The following PSMB7 variants were observed in gnomAD, a reference collection of about 807,000 sequenced individuals.
PSMB7 encodes the protein proteasome subunit beta type-7.
A neutral mutation model predicts 28.1 loss-of-function variants in PSMB7; 5 were observed. That is an observed-to-expected ratio of 0.18 (90% CI 0.09 to 0.37). The LOEUF (loss-of-function observed/expected upper bound fraction) is 0.37, where lower values mean the gene tolerates loss of function less well. Ranked by LOEUF, PSMB7 falls within the 10% of genes least tolerant of loss-of-function variation. The pLI is 1.00. For missense variants in PSMB7, 275 were observed against 346.2 expected (o/e 0.79, Z 1.63); for synonymous variants, 122 against 123.7 (o/e 0.99, Z 0.09).
At chr9:124,396,143 A>T (rs959661446) in intron 5 of PSMB7, among the ~76,000 whole-genome samples, 1 of 152,232 alleles carries the variant, frequency 6.6e-6, no homozygotes, top group Admixed American at 6.5e-5. Context: ...CCAATTTAAC[A>T]GTTGAAAATG....
chr9:124,354,759 G>A (rs553426986), intron 7 of PSMB7, among the ~76,000 whole-genome samples: 3 of 152,214 alleles, frequency 2.0e-5, no homozygotes, highest in Non-Finnish European at 2.9e-5. Flanking sequence ...TCCCTCACAC[G>A]CTGGAACCTT....
At chr9:124,353,831 C>T in intron 7 of PSMB7, 122 bp from the exon 8 acceptor site, 1 of 725,508 alleles carries the variant, frequency 1.4e-6, no homozygotes, top group Non-Finnish European at 2.4e-6. Flanking sequence ...TCTTGGCTCT[C>T]CCGATCCCAG....
chr9:124,377,782 C>G (rs1830627858), intron 6 of PSMB7, among the ~76,000 whole-genome samples: 1 of 152,338 alleles, frequency 6.6e-6, no homozygotes, highest in Middle Eastern at 3.4e-3. Context: ...TACGTCACCA[C>G]CTATCTTCAT....
intron 5 of PSMB7, among the ~76,000 whole-genome samples, chr9:124,400,283 A>T (rs920662080): frequency 6.6e-6 from 1 of 152,240 alleles, no homozygotes; most frequent in African/African-American, 2.4e-5. Flanking sequence ...ACTTTCACCC[A>T]TCAGACTGGC....
chr9:124,393,915 C>T (rs1175594135), intron 5 of PSMB7, among the ~76,000 whole-genome samples: 1 of 152,190 alleles, frequency 6.6e-6, no homozygotes, highest in Non-Finnish European at 1.5e-5. Context: ...CCCTAAAATG[C>T]ACCTATCTTA....
At chr9:124,355,611 G>T (rs537826716) in intron 7 of PSMB7, among the ~76,000 whole-genome samples, 1 of 152,184 alleles carries the variant, frequency 6.6e-6, no homozygotes, top group Admixed American at 6.5e-5. Flanking sequence ...GGCAAAGCCC[G>T]GTTCCCCAAC....
rs767773004 is a variant in PSMB7 at position 124,413,892 on chromosome 9, A to G, written c.254+16T>C. ...GTTTGAAAATATAAGAGTTATTCAA[A>G]CGAATCAATACTTACTAAATATTAG... On this transcript the variant is annotated intron_variant, in intron 3 of 7. Coordinates refer to ENST00000259457, the MANE Select transcript of PSMB7 (RefSeq NM_002799.4). The G allele has an allele frequency of 2.1e-5, 32 of 1,540,300 alleles. No individual in the cohort carries two copies. The highest frequency in any genetic ancestry group is 2.8e-5 in the Non-Finnish European group (31 of 1,117,278).
intron 6 of PSMB7, among the ~76,000 whole-genome samples, chr9:124,359,455 CCCAA>C (rs1267708339): frequency 2.0e-5 from 3 of 152,206 alleles, no homozygotes; most frequent in East Asian, 1.9e-4. Flanking sequence ...CACCCCTGCC[CCCAA>C]CCATCTTTTG....
At chr9:124,394,557 T>C (rs550145030) in intron 5 of PSMB7, among the ~76,000 whole-genome samples, 1 of 152,240 alleles carries the variant, frequency 6.6e-6, no homozygotes, top group South Asian at 2.1e-4. Context: ...ATCAGGAGAC[T>C]TTGTGGTAAA....
At chr9:124,390,347 TTA>T (rs1396280075) in intron 5 of PSMB7, among the ~76,000 whole-genome samples, 1 of 152,186 alleles carries the variant, frequency 6.6e-6, no homozygotes, top group Non-Finnish European at 1.5e-5. Context: ...TCTTAGGGAC[TTA>T]TTCTAAAGAA....
At chr9:124,383,375 C>A (rs1230011936) in intron 6 of PSMB7, among the ~76,000 whole-genome samples, 1 of 152,152 alleles carries the variant, frequency 6.6e-6, no homozygotes, top group Non-Finnish European at 1.5e-5. Context: ...ATCCGAGAAG[C>A]GAAGAAATCT....
intron 6 of PSMB7, among the ~76,000 whole-genome samples, chr9:124,373,926 G>A (rs1830585458): frequency 1.3e-5 from 2 of 152,120 alleles, no homozygotes; most frequent in South Asian, 4.1e-4. Flanking sequence ...CATAACATAT[G>A]TCCATACAAA....
intron 6 of PSMB7, among the ~76,000 whole-genome samples, chr9:124,382,017 G>C (rs1318800643): frequency 1.3e-5 from 2 of 151,242 alleles, no homozygotes; most frequent in African/African-American, 4.9e-5. Flanking sequence ...CCCAGCCTTT[G>C]GGAGGCCAAG....
At chr9:124,382,955 A>C (rs898860763) in intron 6 of PSMB7, among the ~76,000 whole-genome samples, 1 of 152,218 alleles carries the variant, frequency 6.6e-6, no homozygotes, top group African/African-American at 2.4e-5. Context: ...CAAAGCTTTC[A>C]GGAAGATTTG....
intron 6 of PSMB7, among the ~76,000 whole-genome samples, chr9:124,359,553 G>C (rs1830448116): frequency 6.6e-6 from 1 of 152,166 alleles, no homozygotes; most frequent in Non-Finnish European, 1.5e-5. Flanking sequence ...TAGTAAAACA[G>C]GCCCATCAGG....
intron 6 of PSMB7, among the ~76,000 whole-genome samples, chr9:124,373,588 G>C (rs143865247): frequency 7.9e-5 from 12 of 152,130 alleles, no homozygotes; most frequent in Admixed American, 7.9e-4. Context: ...AAGGAAGCAC[G>C]TCAAATGTTT....
chr9:124,360,106 G>A (rs1287713681), intron 6 of PSMB7, among the ~76,000 whole-genome samples: 2 of 152,164 alleles, frequency 1.3e-5, no homozygotes, highest in Non-Finnish European at 2.9e-5. Flanking sequence ...TTCTAGACAC[G>A]TATGCAAATA....
intron 4 of PSMB7, among the ~76,000 whole-genome samples, chr9:124,406,328 C>A (rs938073306): frequency 6.6e-6 from 1 of 151,684 alleles, no homozygotes; most frequent in African/African-American, 2.4e-5. Context: ...TATGGCGAGA[C>A]CCTGTCTACA....
rs1338838739 is a variant in PSMB7, at chr9:124,356,822, T to C, written c.664A>G (p.Ser222Gly). The stretch of plus-strand genomic sequence containing the variant: ...CGGAGAAAATCCAGCTTGTTCTTGC[T>C]GATGACGCAGAGGTCAATGTTGCTT... ...SGSNIDLCVI[S>G]KNKLDFLRPY... is the part of the protein sequence containing the mutation. Residue 222 changes from serine to glycine, a missense_variant, in exon 7 of 8, where the codon AGC becomes GGC. Ser to Gly is a moderately conservative substitution (Grantham distance 56). Around this residue, in one of 2 missense-constraint regions of PSMB7, gnomAD observed 213 missense variants for 302.4 expected, o/e 0.70. Transcript: ENST00000259457. This position sits in a 1 kb window ranked among gnomAD's most constrained non-coding sequence, Gnocchi z 4.4. The C allele has an allele frequency of 1.2e-6, 2 of 1,614,182 alleles. No homozygotes were observed. Among genetic ancestry groups the C allele is most frequent in the East Asian group, 4.5e-5 (2 of 44,890 alleles).
Sources: gnomAD v4.1 joint callset for allele counts (sites outside exome capture counted in the v4.1 genomes callset) on GRCh38, gnomAD v4.1.1 for gene constraint, gnomAD v4.1.1 regional missense constraint, Gnocchi (gnomAD v3.1) non-coding constraint, MANE v1.5 for transcripts, NCBI Gene and HGNC (gene_info 2026-07-23, HGNC 2026-07-21) for gene names.